The following PPP2R5E variants were observed in gnomAD, a reference collection of about 807,000 sequenced individuals.
PPP2R5E encodes protein phosphatase 2 regulatory subunit B'epsilon.
Under a neutral mutation model 65.3 loss-of-function variants are expected in PPP2R5E, and 4 were observed. The observed-to-expected ratio is 0.06, with a 90% CI of 0.03 to 0.14. The LOEUF (loss-of-function observed/expected upper bound fraction) is 0.14. PPP2R5E is among the 10% of genes least tolerant of loss of function. PPP2R5E has a pLI of 1.00. For missense variants in PPP2R5E, 274 were observed against 556.1 expected, an observed-to-expected ratio of 0.49 and a Z score of 5.10; for synonymous variants, 183 against 187.4, an observed-to-expected ratio of 0.98 and a Z score of 0.19.
chr14:63,473,085 A>G (rs930392529), intron 2 of PPP2R5E, among the ~76,000 whole-genome samples: 11 of 152,248 alleles, frequency 7.2e-5, no homozygotes, highest in Non-Finnish European at 1.5e-4. Context: ...TACATTAGAT[A>G]TAACAGAAAG....
In PPP2R5E at chr14:63,458,141, AGAGT is replaced by A. The variant is rs149234053; in HGVS notation, c.158-4260_158-4257del. On this transcript the variant is annotated intron_variant, in intron 2 of 13. Coordinates refer to ENST00000337537, the MANE Select transcript of PPP2R5E (RefSeq NM_006246.5). ...GGAAAATGGACATAAAACTCAACAC[AGAGT>A]GAGGATGCAATCTCAGATTAAGACA... 5.2e-3 allele frequency among the ~76,000 whole-genome samples: 796 copies of A among 152,348 alleles called. 10 individuals are homozygous for A. Among genetic ancestry groups the A allele is most frequent in the African/African-American group, 0.018 (761 of 41,586 alleles).
chr14:63,532,790 C>T (rs895535944), intron 2 of PPP2R5E, among the ~76,000 whole-genome samples: 3 of 152,190 alleles, frequency 2.0e-5, no homozygotes, highest in African/African-American at 4.8e-5. Flanking sequence ...CAATGTATCA[C>T]GACATGGAGT....
intron 2 of PPP2R5E, among the ~76,000 whole-genome samples, chr14:63,490,221 C>CTA (rs1225875059): frequency 1.3e-5 from 2 of 151,968 alleles, no homozygotes; most frequent in African/African-American, 4.8e-5. Context: ...GGAAAACTGG[C>CTA]TAACCATATG....
chr14:63,508,273 C>T (rs1304369123), intron 2 of PPP2R5E: 4 of 949,308 alleles, frequency 4.2e-6, no homozygotes, highest in Non-Finnish European at 5.0e-6. Context: ...TTGTTTACCC[C>T]AATGCTATGG....
At chr14:63,484,212 G>T (rs1235495350) in intron 2 of PPP2R5E, among the ~76,000 whole-genome samples, 1 of 152,102 alleles carries the variant, frequency 6.6e-6, no homozygotes, top group Non-Finnish European at 1.5e-5. Flanking sequence ...CCGGACCAAG[G>T]AGTAGCTGGA....
At chr14:63,391,200 G>T (rs1454709477) in intron 10 of PPP2R5E, among the ~76,000 whole-genome samples, 6 of 152,174 alleles carry the variant, frequency 3.9e-5, no homozygotes, top group Non-Finnish European at 8.8e-5. Flanking sequence ...CCTGGGCTTA[G>T]CGAGGCTGAA....
chr14:63,489,598 T>C (rs1046311900), intron 2 of PPP2R5E, among the ~76,000 whole-genome samples: 6 of 151,864 alleles, frequency 4.0e-5, no homozygotes, highest in African/African-American at 1.2e-4. Context: ...TTTGTAGAGA[T>C]GGGGTTTTGC....
intron 13 of PPP2R5E, among the ~76,000 whole-genome samples, chr14:63,379,868 T>C (rs1884229470): frequency 1.7e-5 from 2 of 119,148 alleles, no homozygotes; most frequent in African/African-American, 3.3e-5. Context: ...AGAGTCTCAC[T>C]CCAATGTCCA....
At position 63,422,932 on chromosome 14, in the gene PPP2R5E, T is replaced by G. The variant is rs192586207; in HGVS notation, c.355-838A>C. Reference sequence around the variant, plus strand: ...ATGATACCCAGAGTAAAATCCTATCTGTGATATAAACCTCTATAAACTAGG... The same window carrying G: ...ATGATACCCAGAGTAAAATCCTATCGGTGATATAAACCTCTATAAACTAGG... On this transcript the variant is annotated intron_variant, in intron 3 of 13. Coordinates refer to ENST00000337537, the MANE Select transcript of PPP2R5E (RefSeq NM_006246.5). Among the ~76,000 whole-genome samples, 26 of 152,278 alleles carry G rather than the reference T, an allele frequency of 1.7e-4. 1 individual carries two copies. The highest frequency in any genetic ancestry group is 3.1e-4 in the Non-Finnish European group (21 of 68,018).
At chr14:63,537,781 A>C (rs961526450) in intron 2 of PPP2R5E, among the ~76,000 whole-genome samples, 2 of 152,116 alleles carry the variant, frequency 1.3e-5, no homozygotes, top group Non-Finnish European at 2.9e-5. Context: ...ACTAAAGCTC[A>C]TTGTGTTGTT....
intron 5 of PPP2R5E, among the ~76,000 whole-genome samples, chr14:63,399,968 A>C (rs1475039): frequency 0.28 from 43,287 of 151,972 alleles, 11,503 homozygotes; most frequent in African/African-American, 0.69. Context: ...CGGTGTTTTA[A>C]TTTGAATAAA....
chr14:63,515,622 A>T (rs1474992950), intron 2 of PPP2R5E, among the ~76,000 whole-genome samples: 1 of 151,780 alleles, frequency 6.6e-6, no homozygotes, highest in East Asian at 1.9e-4. Context: ...CCGGATTCAA[A>T]CAATTCTCCT....
chr14:63,508,133 T>C (rs1892299310), intron 2 of PPP2R5E: 1 of 985,154 alleles, frequency 1.0e-6, no homozygotes, highest in African/African-American at 1.7e-5. Context: ...ACACGAGTGT[T>C]CTCTTCCAGC....
chr14:63,526,925 T>C (rs1440553076), intron 2 of PPP2R5E, among the ~76,000 whole-genome samples: 1 of 152,214 alleles, frequency 6.6e-6, no homozygotes, highest in Non-Finnish European at 1.5e-5. Flanking sequence ...ATCCCAGCAC[T>C]CTGGGAGGCC....
intron 2 of PPP2R5E, among the ~76,000 whole-genome samples, chr14:63,504,659 G>A (rs985657975): frequency 1.3e-5 from 2 of 152,286 alleles, no homozygotes; most frequent in Middle Eastern, 3.4e-3. Flanking sequence ...TTGGGGGAAT[G>A]AGATACAAAA....
At chr14:63,463,450 A>G (rs1889605663) in intron 2 of PPP2R5E, among the ~76,000 whole-genome samples, 1 of 151,054 alleles carries the variant, frequency 6.6e-6, no homozygotes, top group East Asian at 2.0e-4. Flanking sequence ...ATATGTATAA[A>G]TATAAGAAGG....
chr14:63,540,172 T>C (rs1893832334), intron 1 of PPP2R5E, among the ~76,000 whole-genome samples: 1 of 150,416 alleles, frequency 6.6e-6, no homozygotes, highest in African/African-American at 2.5e-5. Flanking sequence ...GGCTCACACC[T>C]GTAATCCCAG....
At chr14:63,511,617 A>G (rs558648381) in intron 2 of PPP2R5E, among the ~76,000 whole-genome samples, 50 of 152,346 alleles carry the variant, frequency 3.3e-4, no homozygotes, top group African/African-American at 1.2e-3. Flanking sequence ...GCCACCTAAC[A>G]GCATTATATA....
intron 13 of PPP2R5E, among the ~76,000 whole-genome samples, chr14:63,381,826 T>C (rs1182247426): frequency 6.6e-6 from 1 of 152,228 alleles, no homozygotes; most frequent in Non-Finnish European, 1.5e-5. Context: ...TGTGTCATAG[T>C]AGGCTACACC....
Sources: allele counts gnomAD v4.1 joint callset (sites outside exome capture counted in the v4.1 genomes callset), GRCh38; gene constraint gnomAD v4.1.1; transcripts MANE v1.5; gene names NCBI Gene and HGNC (gene_info 2026-07-23, HGNC 2026-07-21).